Variants in USP31 observed in about 807,000 individuals in gnomAD.
USP31 encodes ubiquitin carboxyl-terminal hydrolase 31.
In USP31, 44 loss-of-function variants were observed where a neutral mutation model predicts 119.4. The observed-to-expected ratio is 0.37, with a 90% CI of 0.29 to 0.47. The LOEUF is 0.47. Ranked by LOEUF, USP31 falls within the 20% of genes least tolerant of loss-of-function variation. USP31 has a pLI of 0.99. For missense variants in USP31, 1,643 were observed against 1,730.2 expected, an observed-to-expected ratio of 0.95 and a Z score of 0.89; for synonymous variants, 749 against 705.6, an observed-to-expected ratio of 1.06 and a Z score of -0.97.
chr16:23,148,912 G>C lies in USP31; in HGVS notation c.359C>G (p.Ala120Gly). The change falls in exon 1 of 16, where the codon GCC (alanine) becomes GGC (glycine). Residue 120 changes from alanine (A) to glycine (G), a missense_variant. Coordinates refer to ENST00000219689, the MANE Select transcript of USP31 (RefSeq NM_020718.4). ...PPASPAPPAC[A>G]AEPVPGVAGL... ...CGCCACGCCGGGCACCGGCTCGGCG[G>C]CGCAAGCGGGCGGCGCGGGAGAGGC... is the stretch of plus-strand genomic sequence containing the variant. 12 of 1,351,768 alleles carry C rather than the reference G, an allele frequency of 8.9e-6. No homozygotes were observed. Among genetic ancestry groups the C allele is most frequent in the Non-Finnish European group, 1.1e-5 (12 of 1,045,000 alleles). The allele number at this position is 1,351,768 out of a possible 1,614,324, so 83.7% of individuals were successfully genotyped here.
Position 23,085,099 on chromosome 16 carries a change from AAATC to A in USP31, c.1701-114_1701-111del. 4.8e-6 allele frequency: 7 copies of A among 1,453,998 alleles called. No individual in the cohort carries two copies. In the South Asian group the frequency reaches 8.0e-5, roughly 17 times the overall value. The allele number at this position is 1,453,998 out of a possible 1,614,324, so 90.1% of individuals were successfully genotyped here. A position where few individuals can be genotyped will look rare whatever the true frequency, so the allele number is the denominator to read the frequency against. On this transcript the variant is annotated intron_variant, in intron 10 of 15. Transcript: ENST00000219689. Reference sequence around the variant, plus strand: ...CAAACTCATAACCGAAGGAAAAAAAAAATCAATGTGTAAGAAAACAAAAGTAGTG... The same window carrying A: ...CAAACTCATAACCGAAGGAAAAAAAAAATGTGTAAGAAAACAAAAGTAGTG...
In USP31 at chr16:23,078,038, G is replaced by A. The variant is rs181821356; in HGVS notation, c.2176+1908C>T. Reference sequence around the variant, plus strand: ...TCATTAAAAAGTATTTATAGGCCGGGCGCAGTGGCTCATGCCTGTAATCCC... The same window carrying A: ...TCATTAAAAAGTATTTATAGGCCGGACGCAGTGGCTCATGCCTGTAATCCC... On this transcript the variant is annotated intron_variant, in intron 13 of 15. Transcript: ENST00000219689. Among the ~76,000 whole-genome samples, 76 of 152,242 alleles carry A rather than the reference G, an allele frequency of 5.0e-4. 1 individual carries two copies. The highest frequency in any genetic ancestry group is 1.8e-3 in the African/African-American group (74 of 41,548).
intron 1 of USP31, among the ~76,000 whole-genome samples, chr16:23,119,921 G>GAA (rs1902613204): frequency 6.6e-6 from 1 of 152,162 alleles, no homozygotes; most frequent in Non-Finnish European, 1.5e-5. Context: ...AAATGCTCAA[G>GAA]CTGCTCTTCT....
Position 23,149,281 on chromosome 16 carries a change from G to C in USP31, c.-11C>G. ...CGTTACCTTGGACATGGCGGCGGCC[G>C]CAGACACTCATCACCGCGCCCGCCC... On this transcript the variant is annotated 5_prime_UTR_variant, in exon 1 of 16. Coordinates refer to ENST00000219689, the MANE Select transcript of USP31 (RefSeq NM_020718.4). 10 of 1,070,198 alleles carry C rather than the reference G, an allele frequency of 9.3e-6. No individual in the cohort carries two copies. The highest frequency in any genetic ancestry group is 1.1e-5 in the Non-Finnish European group (10 of 885,794). The allele number at this position is 1,070,198 out of a possible 1,614,324, so 66.3% of individuals were successfully genotyped here. A position where few individuals can be genotyped will look rare whatever the true frequency, so the allele number is the denominator to read the frequency against.
Position 23,061,564 on chromosome 16 carries a change from A to C in USP31, c.*6482T>G, listed in dbSNP as rs747565439. ...GCTTCTTAAAAGTGCATACACTTTG[A>C]ATAATAAAACATACAAATAAATAAC... is the stretch of plus-strand genomic sequence containing the variant. On this transcript the variant is annotated 3_prime_UTR_variant, in exon 16 of 16. Coordinates refer to ENST00000219689, the MANE Select transcript of USP31 (RefSeq NM_020718.4). The C allele has an allele frequency of 5.9e-5, 9 of 152,684 alleles. No individual in the cohort carries two copies. Among genetic ancestry groups the C allele is most frequent in the Admixed American group, 1.3e-4 (2 of 15,288 alleles). 9.5% of individuals were successfully genotyped at this position (152,684 alleles called of 1,614,324 possible). A position where few individuals can be genotyped will look rare whatever the true frequency, so the allele number is the denominator to read the frequency against.
intron 7 of USP31, among the ~76,000 whole-genome samples, chr16:23,090,405 AAAC>A (rs371708872): frequency 0.054 from 8,270 of 151,912 alleles, 320 homozygotes; most frequent in Non-Finnish European, 0.075. Flanking sequence ...ACAAACAAAC[AAAC>A]AACAACAACA....
chr16:23,113,019 A>C (rs1424949576), intron 1 of USP31, among the ~76,000 whole-genome samples: 1 of 151,454 alleles, frequency 6.6e-6, no homozygotes, highest in Non-Finnish European at 1.5e-5. Flanking sequence ...CAAGAGCGAA[A>C]CTCCGTCCCA....
In USP31 at chr16:23,148,620, G is replaced by A; in HGVS notation, c.633+18C>T. 3 of 1,454,162 alleles carry A rather than the reference G, an allele frequency of 2.1e-6. No individual in the cohort carries two copies. The highest frequency in any genetic ancestry group is 1.4e-5 in the South Asian group (1 of 72,158). 90.1% of individuals were successfully genotyped at this position (1,454,162 alleles called of 1,614,324 possible). On this transcript the variant is annotated intron_variant, in intron 1 of 15. Transcript: ENST00000219689. ...GGGGCTCGGGGTGCAGTGGGGGCGCGGCGGCGCGCGGGCTCACCTTGAAGT... is the reference window on the plus strand; with the variant it reads ...GGGGCTCGGGGTGCAGTGGGGGCGCAGCGGCGCGCGGGCTCACCTTGAAGT...
intron 1 of USP31, among the ~76,000 whole-genome samples, chr16:23,118,513 C>T (rs1474124420): frequency 2.6e-5 from 4 of 151,954 alleles, no homozygotes; most frequent in Admixed American, 2.0e-4. Context: ...ACGAACACAG[C>T]CACACTGGAA....
chr16:23,068,976 T>C lies in USP31; in HGVS notation c.3129A>G (p.Arg1043=). The change falls in exon 16 of 16, where the codon AGA becomes AGG. Residue 1043 remains arginine (R), a synonymous_variant. Transcript: ENST00000219689. ...SEPEKSLRKG[R]PALASQESSL... ...ATGACTCCTGGCTTGCCAAGGCTGG[T>C]CTCCCCTTCCGCAAGCTTTTCTCTG... 1.2e-6 allele frequency: 2 copies of C among 1,614,168 alleles called. No homozygotes were observed. The highest frequency in any genetic ancestry group is 1.7e-6 in the Non-Finnish European group (2 of 1,180,022).
chr16:23,135,849 A>T (rs1903172383), intron 1 of USP31, among the ~76,000 whole-genome samples: 1 of 152,222 alleles, frequency 6.6e-6, no homozygotes, highest in South Asian at 2.1e-4. Context: ...ATTAATATGG[A>T]ATAATCTCAA....
intron 1 of USP31, among the ~76,000 whole-genome samples, chr16:23,110,251 G>A (rs1902263205): frequency 6.6e-6 from 1 of 152,142 alleles, no homozygotes; most frequent in African/African-American, 2.4e-5. Context: ...AAATATGGCA[G>A]TTGTGTATAT....
intron 1 of USP31, among the ~76,000 whole-genome samples, chr16:23,127,549 G>A (rs1419667076): frequency 6.6e-6 from 1 of 151,950 alleles, no homozygotes; most frequent in East Asian, 1.9e-4. Flanking sequence ...TGCAACCTCT[G>A]CCGCCTGGGT....
At chr16:23,137,034 A>G (rs1190550190) in intron 1 of USP31, among the ~76,000 whole-genome samples, 1 of 152,174 alleles carries the variant, frequency 6.6e-6, no homozygotes, top group Non-Finnish European at 1.5e-5. Flanking sequence ...GCAACAAGGT[A>G]AAACCCCATC....
chr16:23,130,467 C>G (rs887082504), intron 1 of USP31, among the ~76,000 whole-genome samples: 1 of 151,434 alleles, frequency 6.6e-6, no homozygotes, highest in Non-Finnish European at 1.5e-5. Context: ...GAAAAACTAC[C>G]AATTAGAAAG....
At position 23,137,840 on chromosome 16, in the gene USP31, C is replaced by A. The variant is rs149942155; in HGVS notation, c.633+10798G>T. On this transcript the variant is annotated intron_variant, in intron 1 of 15. Transcript: ENST00000219689. Reference sequence around the variant, plus strand: ...GAGGAAAACGTCCAAAGGAAGAGGACAGAATAAGTAAATTATCACTTAGCA... The same window carrying A: ...GAGGAAAACGTCCAAAGGAAGAGGAAAGAATAAGTAAATTATCACTTAGCA... Among the ~76,000 whole-genome samples, 1,291 of 151,434 alleles carry A rather than the reference C, an allele frequency of 8.5e-3. 13 individuals carry two copies. Among genetic ancestry groups the A allele is most frequent in the Middle Eastern group, 0.011 (3 of 284 alleles).
At chr16:23,134,789 A>C (rs1432139318) in intron 1 of USP31, among the ~76,000 whole-genome samples, 1 of 152,056 alleles carries the variant, frequency 6.6e-6, no homozygotes, top group African/African-American at 2.4e-5. Flanking sequence ...AAAAATATAA[A>C]TTAAAACTTT....
chr16:23,077,767 A>C (rs965491215), intron 13 of USP31, among the ~76,000 whole-genome samples: 1 of 152,180 alleles, frequency 6.6e-6, no homozygotes, highest in African/African-American at 2.4e-5. Context: ...ATCAACCCTC[A>C]CATCAACGAA....
chr16:23,080,411 G>GA (rs1900767215), intron 12 of USP31, among the ~76,000 whole-genome samples: 1 of 152,096 alleles, frequency 6.6e-6, no homozygotes, highest in African/African-American at 2.4e-5. Flanking sequence ...GAGCCTCTCT[G>GA]AGTCTTCCTT....
Sources: allele counts gnomAD v4.1 joint callset (sites outside exome capture counted in the v4.1 genomes callset), GRCh38; gene constraint gnomAD v4.1.1; transcripts MANE v1.5; gene names NCBI Gene and HGNC (gene_info 2026-07-23, HGNC 2026-07-21).